The following GRM8 variants were observed in gnomAD, a reference collection of about 807,000 sequenced individuals.
The protein encoded by GRM8 is metabotropic glutamate receptor 8.
GRM8 carries 47 observed loss-of-function variants against 87.2 expected under a neutral mutation model. The ratio of observed to expected loss-of-function variants is 0.54; its 90% confidence interval spans 0.43 to 0.69. The LOEUF is 0.69. Among genes scored for constraint, GRM8 ranks in the 30% least tolerant of loss-of-function variants. The probability of loss-of-function intolerance (pLI) is 0.00; values close to 1 mark genes in which losing one functional copy is unlikely to be tolerated. For synonymous variants in GRM8, 396 were observed against 404.5 expected (o/e 0.98, Z 0.25); for missense variants, 1,019 against 1,139.2 (o/e 0.89, Z 1.52).
chr7:127,196,671 A>G (rs946169448), intron 2 of GRM8, among the ~76,000 whole-genome samples: 13 of 152,164 alleles, frequency 8.5e-5, no homozygotes, highest in African/African-American at 2.9e-4. Context: ...TAACCTGTTA[A>G]TTTATTCATA....
intron 9 of GRM8, among the ~76,000 whole-genome samples, chr7:126,513,667 C>T (rs1811752914): frequency 6.6e-6 from 1 of 152,066 alleles, no homozygotes. Flanking sequence ...TCTCTCCTTA[C>T]TTTTATACTT....
At chr7:127,016,363 A>G (rs1443447198) in intron 3 of GRM8, among the ~76,000 whole-genome samples, 2 of 152,072 alleles carry the variant, frequency 1.3e-5, no homozygotes, top group Non-Finnish European at 2.9e-5. Flanking sequence ...AGTAAACTTA[A>G]AAGGAAACAA....
chr7:126,999,609 C>A (rs1201341016), intron 3 of GRM8, among the ~76,000 whole-genome samples: 1 of 151,644 alleles, frequency 6.6e-6, no homozygotes, highest in Non-Finnish European at 1.5e-5. Flanking sequence ...CAAAAGAAGA[C>A]AAATGGCAGA....
At chr7:127,172,352 T>A (rs1210565497) in intron 2 of GRM8, among the ~76,000 whole-genome samples, 1 of 152,180 alleles carries the variant, frequency 6.6e-6, no homozygotes, top group Non-Finnish European at 1.5e-5. Context: ...GTACATAACA[T>A]TTTTTATGTT....
intron 7 of GRM8, among the ~76,000 whole-genome samples, chr7:126,629,469 T>G (rs1183915715): frequency 6.6e-6 from 1 of 152,194 alleles, no homozygotes; most frequent in African/African-American, 2.4e-5. Context: ...GCCTTTGTAA[T>G]AATTTATTGT....
chr7:126,547,614 A>G (rs1363589455), intron 8 of GRM8, among the ~76,000 whole-genome samples: 2 of 152,102 alleles, frequency 1.3e-5, no homozygotes, highest in East Asian at 3.9e-4. Context: ...AAAAAGACAT[A>G]CAGAAATAAA....
intron 7 of GRM8, among the ~76,000 whole-genome samples, chr7:126,635,672 G>A (rs2151187737): frequency 6.6e-6 from 1 of 151,954 alleles, no homozygotes; most frequent in South Asian, 2.1e-4. Context: ...GTACATTACT[G>A]GAATTAGCAT....
At chr7:126,469,779 A>G (rs543893861) in intron 9 of GRM8, among the ~76,000 whole-genome samples, 110 of 152,276 alleles carry the variant, frequency 7.2e-4, no homozygotes, top group African/African-American at 2.5e-3. Context: ...TGTCTTCATT[A>G]GCAGTGTAAG....
intron 7 of GRM8, among the ~76,000 whole-genome samples, chr7:126,609,871 T>C (rs549192875): frequency 1.4e-4 from 22 of 152,222 alleles, no homozygotes; most frequent in Non-Finnish European, 3.2e-4. Context: ...TATTGTACAA[T>C]ACGAACTACA....
intron 6 of GRM8, among the ~76,000 whole-genome samples, chr7:126,835,422 A>T (rs1198328971): frequency 6.6e-6 from 1 of 152,216 alleles, no homozygotes; most frequent in Non-Finnish European, 1.5e-5. Context: ...TTCCGGTGAA[A>T]TATGCCTCAG....
At chr7:126,713,173 A>G (rs569180324) in intron 7 of GRM8, among the ~76,000 whole-genome samples, 3 of 152,222 alleles carry the variant, frequency 2.0e-5, no homozygotes, top group Non-Finnish European at 2.9e-5. Context: ...ACTATTCACA[A>G]TAACAAAGAC....
Position 127,127,233 on chromosome 7 carries a change from A to T in GRM8, c.511-20521T>A, listed in dbSNP as rs1027340417. On this transcript the variant is annotated intron_variant, in intron 2 of 10. Transcript: ENST00000339582. ...ATGTACATATGTATGTACACTTATA[A>T]AATATAAATATATGCATCTACCACA... 3.4e-4 allele frequency among the ~76,000 whole-genome samples: 52 copies of T among 152,030 alleles called. 1 individual carries two copies. The highest frequency in any genetic ancestry group is 1.2e-3 in the African/African-American group (51 of 41,422).
At chr7:126,551,618 C>T (rs886198433) in intron 8 of GRM8, among the ~76,000 whole-genome samples, 1 of 152,086 alleles carries the variant, frequency 6.6e-6, no homozygotes, top group African/African-American at 2.4e-5. Context: ...TTGGCCTAAA[C>T]ATTTTCTTCT....
At chr7:126,826,262 T>C (rs1447868888) in intron 6 of GRM8, among the ~76,000 whole-genome samples, 2 of 152,066 alleles carry the variant, frequency 1.3e-5, no homozygotes, top group Non-Finnish European at 2.9e-5. Flanking sequence ...GGTCAAATGG[T>C]ATTTCTAGTT....
At chr7:126,853,918 C>A (rs1469791019) in intron 6 of GRM8, among the ~76,000 whole-genome samples, 2 of 152,162 alleles carry the variant, frequency 1.3e-5, no homozygotes, top group Non-Finnish European at 2.9e-5. Flanking sequence ...TTGGCTCTGG[C>A]TGAGTCAGGT....
At chr7:127,053,399 A>G (rs913561326) in intron 3 of GRM8, among the ~76,000 whole-genome samples, 3 of 152,220 alleles carry the variant, frequency 2.0e-5, no homozygotes, top group African/African-American at 7.2e-5. Context: ...GAGAAATGAT[A>G]AACTCATTAA....
At chr7:126,448,562 C>T (rs1802273367) in intron 9 of GRM8, among the ~76,000 whole-genome samples, 1 of 151,892 alleles carries the variant, frequency 6.6e-6, no homozygotes, top group Non-Finnish European at 1.5e-5. Flanking sequence ...GCAGTCTATC[C>T]TTTTGGCAAG....
intron 2 of GRM8, among the ~76,000 whole-genome samples, chr7:127,218,922 C>T (rs1796743433): frequency 6.6e-6 from 1 of 152,210 alleles, no homozygotes; most frequent in Admixed American, 6.5e-5. Flanking sequence ...AACCTTTCAG[C>T]TCTGCTTCCA....
At chr7:127,217,510 C>T (rs1206625843) in intron 2 of GRM8, among the ~76,000 whole-genome samples, 40 of 152,200 alleles carry the variant, frequency 2.6e-4, no homozygotes. Context: ...CAGTTTTGGC[C>T]TCTTGTCCAG....
Sources: gnomAD v4.1 joint callset for allele counts (sites outside exome capture counted in the v4.1 genomes callset) on GRCh38, gnomAD v4.1.1 for gene constraint, MANE v1.5 for transcripts, NCBI Gene and HGNC (gene_info 2026-07-23, HGNC 2026-07-21) for gene names.